The following IREB2 variants were observed in gnomAD, a reference collection of about 807,000 sequenced individuals.
IREB2 encodes iron responsive element binding protein 2.
IREB2 carries 39 observed loss-of-function variants against 118.8 expected under a neutral mutation model. That is an observed-to-expected ratio of 0.33 (90% CI 0.25 to 0.43). The LOEUF (loss-of-function observed/expected upper bound fraction) is 0.43, where lower values mean the gene tolerates loss of function less well. Among genes scored for constraint, IREB2 ranks in the 20% least tolerant of loss-of-function variants. IREB2 has a pLI of 1.00. For synonymous variants in IREB2, 372 were observed against 392.2 expected, an observed-to-expected ratio of 0.95 and a Z score of 0.61; for missense variants, 900 against 1,147.3, an observed-to-expected ratio of 0.78 and a Z score of 3.11.
rs905761208 is a variant in IREB2, at chr15:78,469,915, T to A, written c.630-617T>A. Among the ~76,000 whole-genome samples the A allele has an allele frequency of 6.6e-5, 10 of 152,240 alleles. No homozygotes were observed. The South Asian group carries it at 2.1e-3, about 31-fold the overall frequency. On this transcript the variant is annotated intron_variant, in intron 5 of 21. Transcript: ENST00000258886. The stretch of plus-strand genomic sequence containing the variant: ...TAACTATTAGATAAAAATAATTTTT[T>A]AAAAATGATACTATGTTACTGGTTA...
chr15:78,477,291 T>G (rs2051487730), intron 9 of IREB2, among the ~76,000 whole-genome samples: 1 of 152,220 alleles, frequency 6.6e-6, no homozygotes, highest in Non-Finnish European at 1.5e-5. Flanking sequence ...GCTCATGGTT[T>G]CAGTGGGGTC....
chr15:78,459,347 T>TTTTTTTG (rs1015275677), intron 2 of IREB2, among the ~76,000 whole-genome samples: 2 of 151,582 alleles, frequency 1.3e-5, no homozygotes, highest in Non-Finnish European at 2.9e-5. Flanking sequence ...TTTGTTTTGG[T>TTTTTTTG]TTTTTTGTTT....
intron 1 of IREB2, 58 bp downstream of exon 1, chr15:78,438,414 C>T: frequency 1.3e-6 from 2 of 1,563,164 alleles, no homozygotes; most frequent in Middle Eastern, 1.7e-4. Context: ...TGCCTAGGCG[C>T]CGAATTCCTT....
rs1294633890 is a variant in IREB2 at position 78,438,336 on chromosome 15, C to T, written c.-2C>T. On this transcript the variant is annotated 5_prime_UTR_variant, in exon 1 of 22. Transcript: ENST00000258886. ...CCCGGAGGGATAATATGGTCTCCGG[C>T]GATGGACGCCCCAAAAGCAGGTCAG... 3 of 1,594,024 alleles carry T rather than the reference C, an allele frequency of 1.9e-6. No homozygotes were observed. Among genetic ancestry groups the T allele is most frequent in the Middle Eastern group, 1.7e-4 (1 of 6,056 alleles).
At chr15:78,485,391 A>G (rs1438146840) in intron 12 of IREB2, among the ~76,000 whole-genome samples, 1 of 143,094 alleles carries the variant, frequency 7.0e-6, no homozygotes, top group African/African-American at 2.6e-5. Flanking sequence ...TGACTTTAAA[A>G]TGGTTTGCTT....
upstream of IREB2, chr15:78,438,111 C>T (rs565461124): frequency 1.2e-4 from 66 of 562,366 alleles, no homozygotes; most frequent in South Asian, 1.3e-3. Context: ...AGCTCCGCCC[C>T]TTCCCTTTCT....
intron 12 of IREB2, among the ~76,000 whole-genome samples, 186 bp from the exon 13 acceptor site, chr15:78,485,519 G>A (rs2051644145): frequency 6.6e-6 from 1 of 152,166 alleles, no homozygotes; most frequent in South Asian, 2.1e-4. Context: ...CAACATAAAG[G>A]CTGTAATTTT....
chr15:78,493,827 T>A (rs774628184), intron 18 of IREB2, 82 bp from the exon 19 acceptor site: 76 of 1,351,964 alleles, frequency 5.6e-5, no homozygotes, highest in Non-Finnish European at 7.2e-5. Flanking sequence ...GATAAAAAAA[T>A]TTTTCAATAG....
intron 5 of IREB2, among the ~76,000 whole-genome samples, chr15:78,469,026 T>C (rs1383302527): frequency 6.6e-6 from 1 of 152,234 alleles, no homozygotes; most frequent in Non-Finnish European, 1.5e-5. Flanking sequence ...ATATTTTTAT[T>C]TCTAAAAATC....
intron 10 of IREB2, chr15:78,481,811 C>T (rs1296906001): frequency 6.6e-6 from 1 of 151,974 alleles, no homozygotes; most frequent in Admixed American, 6.6e-5. Context: ...AAGACCCTGT[C>T]TCTTAAGAAA....
At position 78,500,458 on chromosome 15, in the gene IREB2, T is replaced by C. The variant is rs1271132666; in HGVS notation, c.*2315T>C. The C allele has an allele frequency of 6.6e-6, 1 of 151,836 alleles. No homozygotes were observed. The highest frequency in any genetic ancestry group is 1.5e-5 in the Non-Finnish European group (1 of 68,022). 9.4% of individuals were successfully genotyped at this position (151,836 alleles called of 1,614,324 possible). A position where few individuals can be genotyped will look rare whatever the true frequency, so the allele number is the denominator to read the frequency against. On this transcript the variant is annotated 3_prime_UTR_variant, in exon 22 of 22. Coordinates refer to ENST00000258886, the MANE Select transcript of IREB2 (RefSeq NM_004136.4). ...TAATTCTGCCTCTAGCCAAATGCTA[T>C]GTTTGCAAAATGTGGCATCTGTTAG...
intron 2 of IREB2, among the ~76,000 whole-genome samples, chr15:78,451,944 T>G (rs1238573483): frequency 6.6e-6 from 1 of 152,038 alleles, no homozygotes; most frequent in Non-Finnish European, 1.5e-5. Flanking sequence ...ATTACAGGAG[T>G]GAGCCACCAC....
chr15:78,464,732 A>C (rs2051252787), intron 3 of IREB2, among the ~76,000 whole-genome samples: 1 of 152,152 alleles, frequency 6.6e-6, no homozygotes, highest in Non-Finnish European at 1.5e-5. Flanking sequence ...CTATTCTTTA[A>C]TCATTATCTT....
intron 20 of IREB2, 74 bp from the exon 21 acceptor site, chr15:78,497,052 T>G: frequency 1.8e-6 from 2 of 1,125,340 alleles, no homozygotes; most frequent in South Asian, 2.8e-5. Context: ...CAAAGTAGAT[T>G]TTTGCCCCCT....
chr15:78,493,422 C>T (rs779376553), intron 18 of IREB2, among the ~76,000 whole-genome samples: 2 of 152,032 alleles, frequency 1.3e-5, no homozygotes, highest in African/African-American at 2.4e-5. Flanking sequence ...GAAAAAAAAT[C>T]GATGTATAAG....
intron 10 of IREB2, chr15:78,479,911 A>G (rs1270934544): frequency 7.4e-6 from 1 of 135,318 alleles, no homozygotes; most frequent in African/African-American, 3.0e-5. Context: ...ACAGAATGAG[A>G]CAGTGTCTAA....
rs1173296851 is a variant in IREB2, at chr15:78,498,633, G to T, written c.*490G>T. Reference sequence around the variant, plus strand: ...TTTTAAGTATATTAATTCCTCTTCAGAATTGAGCTGGACACATTTGGCATT... The same window carrying T: ...TTTTAAGTATATTAATTCCTCTTCATAATTGAGCTGGACACATTTGGCATT... On this transcript the variant is annotated 3_prime_UTR_variant, in exon 22 of 22. Transcript: ENST00000258886. 1 of 153,004 alleles carries T rather than the reference G, an allele frequency of 6.5e-6. No individual in the cohort carries two copies. Among genetic ancestry groups the T allele is most frequent in the Non-Finnish European group, 1.5e-5 (1 of 68,392 alleles). 9.5% of individuals were successfully genotyped at this position (153,004 alleles called of 1,614,324 possible). A position where few individuals can be genotyped will look rare whatever the true frequency, so the allele number is the denominator to read the frequency against.
chr15:78,441,853 G>A (rs1349303508), intron 2 of IREB2, among the ~76,000 whole-genome samples: 1 of 151,998 alleles, frequency 6.6e-6, no homozygotes, highest in Non-Finnish European at 1.5e-5. Context: ...AAAACAGAAA[G>A]TTGGTTTTTA....
intron 2 of IREB2, among the ~76,000 whole-genome samples, chr15:78,450,965 A>G (rs2051016360): frequency 6.6e-6 from 1 of 151,954 alleles, no homozygotes; most frequent in South Asian, 2.1e-4. Context: ...TGTAATGAGC[A>G]GACTGTAGAA....
Sources: gnomAD v4.1 joint callset for allele counts (sites outside exome capture counted in the v4.1 genomes callset) on GRCh38, gnomAD v4.1.1 for gene constraint, MANE v1.5 for transcripts, NCBI Gene and HGNC (gene_info 2026-07-23, HGNC 2026-07-21) for gene names.